The following PCDH15 variants were observed in gnomAD, a reference collection of about 807,000 sequenced individuals.
The protein encoded by PCDH15 is protocadherin related 15.
In PCDH15, 129 loss-of-function variants were observed where a neutral mutation model predicts 178.5. The observed-to-expected ratio is 0.72, with a 90% CI of 0.63 to 0.84. The LOEUF is 0.84. Ranked by LOEUF, PCDH15 falls within the 40% of genes least tolerant of loss-of-function variation. The pLI, the probability that PCDH15 is intolerant of heterozygous loss-of-function variation, is 0.00. For synonymous variants in PCDH15, 800 were observed against 732.0 expected (o/e 1.09, Z -1.50); for missense variants, 2,230 against 2,099.9 (o/e 1.06, Z -1.21).
chr10:55,206,633 G>A (rs1413236043), intron 1 of PCDH15, among the ~76,000 whole-genome samples: 1 of 152,012 alleles, frequency 6.6e-6, no homozygotes, highest in Non-Finnish European at 1.5e-5. Context: ...TAATATAAGT[G>A]CATTTAAAAC....
intron 2 of PCDH15, among the ~76,000 whole-genome samples, chr10:54,562,752 G>T (rs1328529087): frequency 6.6e-6 from 1 of 152,042 alleles, no homozygotes; most frequent in African/African-American, 2.4e-5. Flanking sequence ...AGAGTTTCAT[G>T]TATAGAGAGC....
chr10:54,725,597 G>A (rs985479512), intron 1 of PCDH15, among the ~76,000 whole-genome samples: 15 of 128,864 alleles, frequency 1.2e-4, no homozygotes, highest in Admixed American at 1.1e-3. Flanking sequence ...ATTAAACAAA[G>A]GAATGTAATT....
At position 54,097,151 on chromosome 10, in the gene PCDH15, A is replaced by C. The variant is rs563181025; in HGVS notation, c.1918-7088T>G. On this transcript the variant is annotated intron_variant, in intron 15 of 37. Transcript: ENST00000644397. Reference sequence around the variant, plus strand: ...CAGGCTTCTTCCACAGACCATTTTCAATGCAGCATCCAGGATTATCCTTTG... The same window carrying C: ...CAGGCTTCTTCCACAGACCATTTTCCATGCAGCATCCAGGATTATCCTTTG... Among the ~76,000 whole-genome samples, 9 of 152,190 alleles carry C rather than the reference A, an allele frequency of 5.9e-5. No individual in the cohort carries two copies. The South Asian group carries it at 1.9e-3, about 32-fold the overall frequency.
At chr10:54,275,208 T>G (rs575260101) in intron 8 of PCDH15, among the ~76,000 whole-genome samples, 1 of 151,838 alleles carries the variant, frequency 6.6e-6, no homozygotes, top group African/African-American at 2.4e-5. Context: ...AATATATATA[T>G]ACGTTAAATC....
At position 55,122,362 on chromosome 10, in the gene PCDH15, G is replaced by C. The variant is rs148983115; in HGVS notation, c.-80+44214C>G. 8.6e-3 allele frequency among the ~76,000 whole-genome samples: 1,309 copies of C among 152,242 alleles called. 19 individuals carry two copies. The highest frequency in any genetic ancestry group is 0.029 in the African/African-American group (1,185 of 41,532). ...AGAAGTTAGTTATAACTACGGGCTA[G>C]AAACTTTAAGTTGTGTAAGGATAGG... On this transcript the variant is annotated intron_variant, in intron 2 of 5. Coordinates refer to the PCDH15 transcript ENST00000458638.
At chr10:54,503,093 T>C (rs1474142612) in intron 3 of PCDH15, among the ~76,000 whole-genome samples, 1 of 151,398 alleles carries the variant, frequency 6.6e-6, no homozygotes, top group Non-Finnish European at 1.5e-5. Flanking sequence ...TATTTAGGTG[T>C]TGATAGTTAA....
chr10:54,316,387 G>A (rs2061268814), intron 8 of PCDH15, among the ~76,000 whole-genome samples: 1 of 152,120 alleles, frequency 6.6e-6, no homozygotes, highest in Admixed American at 6.6e-5. Context: ...AGGAAAAAAA[G>A]TCAAGTAGCT....
At chr10:54,523,443 C>G (rs1177040652) in intron 3 of PCDH15, among the ~76,000 whole-genome samples, 2 of 152,056 alleles carry the variant, frequency 1.3e-5, no homozygotes, top group Non-Finnish European at 2.9e-5. Flanking sequence ...TTAAACTACA[C>G]TACCTGATAT....
Position 53,934,259 on chromosome 10 carries a change from G to A in PCDH15, c.3373+4556C>T, listed in dbSNP as rs532343920. Among the ~76,000 whole-genome samples the A allele has an allele frequency of 2.0e-5, 3 of 152,256 alleles. No homozygotes were observed. The South Asian group carries it at 6.2e-4, about 32-fold the overall frequency. On this transcript the variant is annotated intron_variant, in intron 25 of 37. Coordinates refer to ENST00000644397, the MANE Select transcript of PCDH15 (RefSeq NM_001384140.1). ...CACCTCTACTAGAGCATTATTTCATGCAGTCACACTAGTCACCAGACCTTG... is the reference window on the plus strand; with the variant it reads ...CACCTCTACTAGAGCATTATTTCATACAGTCACACTAGTCACCAGACCTTG...
At chr10:53,972,837 T>C (rs1017017251) in intron 21 of PCDH15, among the ~76,000 whole-genome samples, 1 of 152,158 alleles carries the variant, frequency 6.6e-6, no homozygotes, top group African/African-American at 2.4e-5. Context: ...TTTTACACTG[T>C]TGGTGGGACA....
At chr10:55,206,059 C>T (rs1047586103) in intron 1 of PCDH15, among the ~76,000 whole-genome samples, 5 of 151,954 alleles carry the variant, frequency 3.3e-5, no homozygotes, top group African/African-American at 1.2e-4. Context: ...TCCCACAACA[C>T]GTGGGAAGTA....
intron 1 of PCDH15, among the ~76,000 whole-genome samples, chr10:55,205,967 A>C (rs1429216015): frequency 6.6e-6 from 1 of 151,900 alleles, no homozygotes; most frequent in Non-Finnish European, 1.5e-5. Flanking sequence ...AAACTATCAG[A>C]TCTGGTGAGA....
At chr10:54,017,122 C>T (rs2092764630) in intron 20 of PCDH15, among the ~76,000 whole-genome samples, 1 of 152,116 alleles carries the variant, frequency 6.6e-6, no homozygotes, top group African/African-American at 2.4e-5. Context: ...CTCCCGGGTT[C>T]AAGCGATTCT....
At chr10:54,289,092 C>T (rs2059222721) in intron 8 of PCDH15, among the ~76,000 whole-genome samples, 1 of 152,224 alleles carries the variant, frequency 6.6e-6, no homozygotes, top group African/African-American at 2.4e-5. Flanking sequence ...TTTAGCCTAA[C>T]TGGGAGACAC....
intron 2 of PCDH15, among the ~76,000 whole-genome samples, chr10:54,539,721 T>A (rs1490143925): frequency 6.6e-6 from 1 of 152,146 alleles, no homozygotes; most frequent in Non-Finnish European, 1.5e-5. Context: ...ATCAACCACA[T>A]GGTTAGCCAT....
chr10:55,157,661 T>C (rs1157387599), intron 2 of PCDH15, among the ~76,000 whole-genome samples: 2 of 151,876 alleles, frequency 1.3e-5, no homozygotes, highest in African/African-American at 4.8e-5. Context: ...TGTAGGGACA[T>C]GGATGAAGCT....
intron 3 of PCDH15, among the ~76,000 whole-genome samples, chr10:54,499,801 G>A (rs1404098659): frequency 6.6e-6 from 1 of 152,054 alleles, no homozygotes; most frequent in Non-Finnish European, 1.5e-5. Flanking sequence ...AAAGCTAGCA[G>A]AAGTAAAGAA....
intron 2 of PCDH15, among the ~76,000 whole-genome samples, chr10:55,024,327 A>ATT (rs71461270): frequency 0.075 from 11,044 of 146,980 alleles, 680 homozygotes; most frequent in African/African-American, 0.16. Flanking sequence ...ATATATATAT[A>ATT]TTCCCATATA....
intron 1 of PCDH15, among the ~76,000 whole-genome samples, chr10:54,782,194 T>A (rs1341613369): frequency 6.6e-6 from 1 of 152,022 alleles, no homozygotes; most frequent in Non-Finnish European, 1.5e-5. Context: ...AAAAGGTAAA[T>A]TTTGAGGATG....
Sources: allele counts gnomAD v4.1 joint callset (sites outside exome capture counted in the v4.1 genomes callset), GRCh38; gene constraint gnomAD v4.1.1; transcripts MANE v1.5; gene names NCBI Gene and HGNC (gene_info 2026-07-23, HGNC 2026-07-21).